Variants in TTC39C observed in about 807,000 individuals in gnomAD.
TTC39C encodes the protein tetratricopeptide repeat domain 39C.
A neutral mutation model predicts 76.3 loss-of-function variants in TTC39C; 33 were observed. The ratio of observed to expected loss-of-function variants is 0.43; its 90% CI spans 0.33 to 0.58. TTC39C has a LOEUF of 0.58. Among genes scored for constraint, TTC39C ranks in the 20% least tolerant of loss-of-function variants. The probability of loss-of-function intolerance (pLI) is 0.04; values close to 1 mark genes in which losing one functional copy is unlikely to be tolerated. For missense variants in TTC39C, 595 were observed against 701.4 expected, an observed-to-expected ratio of 0.85 and a Z score of 1.71; for synonymous variants, 254 against 260.6, an observed-to-expected ratio of 0.97 and a Z score of 0.24.
chr18:24,061,211 C>A (rs1465488276), intron 1 of TTC39C, among the ~76,000 whole-genome samples: 1 of 150,396 alleles, frequency 6.6e-6, no homozygotes, highest in African/African-American at 2.5e-5. Context: ...TCAATATCAG[C>A]AAATATTTAG....
At chr18:24,052,173 G>A (rs1163217689) in intron 1 of TTC39C, among the ~76,000 whole-genome samples, 2 of 152,134 alleles carry the variant, frequency 1.3e-5, no homozygotes, top group African/African-American at 4.8e-5. Flanking sequence ...GCCCTCATTT[G>A]TCCACAAAAA....
At chr18:24,088,965 GTTT>G (rs2084482305) in intron 6 of TTC39C, among the ~76,000 whole-genome samples, 1 of 152,158 alleles carries the variant, frequency 6.6e-6, no homozygotes, top group African/African-American at 2.4e-5. Context: ...GGGCTTTAGT[GTTT>G]TCTTTCTGTA....
intron 5 of TTC39C, among the ~76,000 whole-genome samples, chr18:24,081,854 A>T (rs1294729622): frequency 6.6e-6 from 1 of 152,136 alleles, no homozygotes; most frequent in Non-Finnish European, 1.5e-5. Flanking sequence ...TTGTCTGTTT[A>T]TATCTTAATA....
At chr18:24,106,980 C>T (rs1024573331) in intron 6 of TTC39C, among the ~76,000 whole-genome samples, 2 of 152,154 alleles carry the variant, frequency 1.3e-5, no homozygotes, top group African/African-American at 4.8e-5. Flanking sequence ...CCACCGTGCC[C>T]GACAGGCAGA....
chr18:24,014,134 C>G (rs967834520), upstream of TTC39C, among the ~76,000 whole-genome samples: 2 of 152,226 alleles, frequency 1.3e-5, no homozygotes, highest in Non-Finnish European at 2.9e-5. Context: ...CCCGCCCCCG[C>G]CGCCCACCTC....
chr18:24,069,404 T>C, intron 4 of TTC39C, 133 bp downstream of exon 4: 1 of 724,058 alleles, frequency 1.4e-6, no homozygotes, highest in Non-Finnish European at 2.2e-6. Flanking sequence ...TACTGATTTA[T>C]TACTGGGGAA....
intron 10 of TTC39C, among the ~76,000 whole-genome samples, chr18:24,126,249 C>T (rs1000982622): frequency 6.6e-6 from 1 of 151,976 alleles, no homozygotes; most frequent in African/African-American, 2.4e-5. Context: ...TGCATTTTCC[C>T]AAGAAATTAG....
At chr18:24,089,092 G>A (rs1455829304) in intron 6 of TTC39C, among the ~76,000 whole-genome samples, 2 of 152,176 alleles carry the variant, frequency 1.3e-5, no homozygotes, top group South Asian at 2.1e-4. Context: ...GAGAGCAGAC[G>A]TTGACCCCTT....
At chr18:24,076,200 G>T (rs953270610) in intron 4 of TTC39C, among the ~76,000 whole-genome samples, 8 of 151,976 alleles carry the variant, frequency 5.3e-5, no homozygotes, top group African/African-American at 1.7e-4. Context: ...GGCTGGTTTT[G>T]AACTCCTGAC....
chr18:24,066,272 T>C, intron 3 of TTC39C, 132 bp downstream of exon 3: 1 of 1,213,482 alleles, frequency 8.2e-7, no homozygotes, highest in Non-Finnish European at 1.1e-6. Context: ...ATGTTTCTTA[T>C]GGTTTTTGGT....
intron 6 of TTC39C, among the ~76,000 whole-genome samples, chr18:24,110,258 A>G (rs1355306523): frequency 1.3e-5 from 2 of 152,260 alleles, no homozygotes; most frequent in African/African-American, 2.4e-5. Flanking sequence ...TAAGCTATAC[A>G]TGGGAAGGAC....
chr18:24,015,074 C>G lies in TTC39C; in HGVS notation c.167+36C>G, dbSNP rs772029469. On this transcript the variant is annotated intron_variant, in intron 1 of 13. Coordinates refer to ENST00000317571, the MANE Select transcript of TTC39C (RefSeq NM_001135993.2). ...CGTCCCCGATTCCCCAACCCTGCAG[C>G]GCGCACCTCGTGTCCGGCTCACGCG... 2.9e-6 allele frequency: 4 copies of G among 1,383,052 alleles called. No individual in the cohort carries two copies. In the South Asian group the frequency reaches 6.6e-5, roughly 23 times the overall value. The allele number at this position is 1,383,052 out of a possible 1,614,324, so 85.7% of individuals were successfully genotyped here. A position where few individuals can be genotyped will look rare whatever the true frequency, so the allele number is the denominator to read the frequency against.
chr18:24,014,904 G>C lies in TTC39C; in HGVS notation c.33G>C (p.Arg11=). MAGSEQQRPR[R]RDDGDSDAAA... Reference sequence around the variant, plus strand: ...GCTCGGAGCAGCAGCGGCCGCGGCGGCGGGACGACGGAGACTCGGACGCGG... The same window carrying C: ...GCTCGGAGCAGCAGCGGCCGCGGCGCCGGGACGACGGAGACTCGGACGCGG... Residue 11 remains arginine, a synonymous_variant, in exon 1 of 14, where the codon CGG becomes CGC. Coordinates refer to ENST00000317571, the MANE Select transcript of TTC39C (RefSeq NM_001135993.2). 2 of 1,498,164 alleles carry C rather than the reference G, an allele frequency of 1.3e-6. No individual in the cohort carries two copies. Among genetic ancestry groups the C allele is most frequent in the Non-Finnish European group, 1.8e-6 (2 of 1,124,856 alleles). The allele number at this position is 1,498,164 out of a possible 1,614,324, so 92.8% of individuals were successfully genotyped here.
chr18:24,119,939 G>A lies in TTC39C; in HGVS notation c.1186+1707G>A, dbSNP rs80151377. 2.5e-3 allele frequency among the ~76,000 whole-genome samples: 369 copies of A among 148,796 alleles called. 5 individuals are homozygous for A. The East Asian group carries it at 0.025, about 10-fold the overall frequency. On this transcript the variant is annotated intron_variant, in intron 8 of 13. Coordinates refer to ENST00000317571, the MANE Select transcript of TTC39C (RefSeq NM_001135993.2). ...AGTTTCAAATACATAAATGTACAGCGTGGCTGTATAGAGGAACATTAATTC... is the reference window on the plus strand; with the variant it reads ...AGTTTCAAATACATAAATGTACAGCATGGCTGTATAGAGGAACATTAATTC...
chr18:24,021,736 A>G (rs2083520601), intron 1 of TTC39C, among the ~76,000 whole-genome samples: 1 of 151,206 alleles, frequency 6.6e-6, no homozygotes, highest in Non-Finnish European at 1.5e-5. Flanking sequence ...TGCTTTCTCC[A>G]TCTCTTCCTT....
Position 24,132,634 on chromosome 18 carries a change from C to A in TTC39C, c.*60C>A. On this transcript the variant is annotated 3_prime_UTR_variant, in exon 14 of 14. Coordinates refer to ENST00000317571, the MANE Select transcript of TTC39C (RefSeq NM_001135993.2). ...CAGGGTCCGCACTTTAAAATAAAAGCAGAGGACAAAGCTCTTGTGAAGATG... is the reference window on the plus strand; with the variant it reads ...CAGGGTCCGCACTTTAAAATAAAAGAAGAGGACAAAGCTCTTGTGAAGATG... The A allele has an allele frequency of 6.9e-7, 1 of 1,449,512 alleles. No individual in the cohort carries two copies. Among genetic ancestry groups the A allele is most frequent in the Non-Finnish European group, 9.6e-7 (1 of 1,047,106 alleles). The allele number at this position is 1,449,512 out of a possible 1,614,324, so 89.8% of individuals were successfully genotyped here. A position where few individuals can be genotyped will look rare whatever the true frequency, so the allele number is the denominator to read the frequency against.
At chr18:24,114,465 T>C (rs1041458742) in intron 6 of TTC39C, 89 bp from the exon 7 acceptor site, 115 of 1,014,422 alleles carry the variant, frequency 1.1e-4, no homozygotes, top group Non-Finnish European at 1.8e-4. Context: ...TTAAAATAAC[T>C]ATGAAGGAAA....
chr18:24,016,841 GT>G (rs2083459995), intron 1 of TTC39C: 1 of 397,660 alleles, frequency 2.5e-6, no homozygotes, highest in Admixed American at 4.4e-5. Context: ...AGGGAAAACT[GT>G]AGTACCTCTT....
At chr18:24,027,276 GA>G (rs913246015) in intron 1 of TTC39C, among the ~76,000 whole-genome samples, 48 of 143,250 alleles carry the variant, frequency 3.4e-4, no homozygotes, top group Middle Eastern at 7.1e-3. Context: ...CATCTCAAAA[GA>G]AAAAAAAAAA....
Sources: gnomAD v4.1 joint callset for allele counts (sites outside exome capture counted in the v4.1 genomes callset) on GRCh38, gnomAD v4.1.1 for gene constraint, MANE v1.5 for transcripts, NCBI Gene and HGNC (gene_info 2026-07-23, HGNC 2026-07-21) for gene names.